The following FOXO3 variants were observed in gnomAD, a reference collection of about 807,000 sequenced individuals.
The protein encoded by FOXO3 is forkhead box protein O3.
FOXO3 carries 4 observed loss-of-function variants against 41.9 expected under a neutral mutation model. The ratio of observed to expected loss-of-function variants is 0.10; its 90% CI spans 0.05 to 0.22. The LOEUF (loss-of-function observed/expected upper bound fraction) is 0.22. FOXO3 is among the 10% of genes least tolerant of loss of function. FOXO3 has a pLI of 1.00. For missense variants in FOXO3, 534 were observed against 906.8 expected, an observed-to-expected ratio of 0.59 and a Z score of 5.28; for synonymous variants, 318 against 389.3, an observed-to-expected ratio of 0.82 and a Z score of 2.16.
chr6:108,601,286 C>G (rs1164145965), intron 1 of FOXO3, among the ~76,000 whole-genome samples: 1 of 151,546 alleles, frequency 6.6e-6, no homozygotes, highest in East Asian at 1.9e-4. Flanking sequence ...TGTCCTAGTG[C>G]TTTTTAAAAC....
At chr6:108,573,762 G>A (rs1421771802) in intron 1 of FOXO3, among the ~76,000 whole-genome samples, 1 of 152,082 alleles carries the variant, frequency 6.6e-6, no homozygotes, top group Non-Finnish European at 1.5e-5. Context: ...CCGGGAGGTG[G>A]AGGTTGCAGT....
At chr6:108,583,840 A>G (rs1347302763) in intron 1 of FOXO3, among the ~76,000 whole-genome samples, 1 of 152,218 alleles carries the variant, frequency 6.6e-6, no homozygotes, top group African/African-American at 2.4e-5. Context: ...TGGTGAAGCA[A>G]TCTGTGTGTG....
chr6:108,679,163 G>A (rs973606886), intron 2 of FOXO3, among the ~76,000 whole-genome samples: 9 of 152,074 alleles, frequency 5.9e-5, no homozygotes, highest in African/African-American at 1.9e-4. Context: ...GAGCCACTGC[G>A]CCCGGCCCAT....
intron 1 of FOXO3, among the ~76,000 whole-genome samples, chr6:108,581,505 A>G (rs2128360215): frequency 6.6e-6 from 1 of 152,296 alleles, no homozygotes; most frequent in East Asian, 1.9e-4. Flanking sequence ...AAGCAATATC[A>G]TTAATGAGCC....
Position 108,669,663 on chromosome 6 carries a change from G to A in FOXO3, c.*34+4774G>A, listed in dbSNP as rs115145527. ...GGATCTTTTTAGTGTCGATGAGCGC[G>A]AGAGAAAATTGATATGGCCATAAAA... On this transcript the variant is annotated intron_variant, in intron 2 of 2. Coordinates refer to ENST00000406360, the MANE Select transcript of FOXO3 (RefSeq NM_001455.4). 7.7e-3 allele frequency among the ~76,000 whole-genome samples: 1,176 copies of A among 152,278 alleles called. 19 individuals carry two copies. Among genetic ancestry groups the A allele is most frequent in the African/African-American group, 0.027 (1,121 of 41,558 alleles).
chr6:108,624,175 G>T (rs901262398), intron 1 of FOXO3, among the ~76,000 whole-genome samples: 1 of 152,106 alleles, frequency 6.6e-6, no homozygotes, highest in Non-Finnish European at 1.5e-5. Flanking sequence ...GTACACCCAG[G>T]TCACATTGTA....
intron 1 of FOXO3, among the ~76,000 whole-genome samples, chr6:108,599,223 T>G (rs1776977280): frequency 6.6e-6 from 1 of 152,184 alleles, no homozygotes; most frequent in Admixed American, 6.5e-5. Context: ...AAACATAACC[T>G]TTTTATTGGG....
Position 108,663,387 on chromosome 6 carries a change from T to C in FOXO3, c.622-68T>C, listed in dbSNP as rs1264019785. On this transcript the variant is annotated intron_variant, in intron 1 of 2. Transcript: ENST00000406360. ...AAAATGAATGAGGAGTCTGATTTACTATATCATCTGGGTGCTCGGTTTTGG... is the reference window on the plus strand; with the variant it reads ...AAAATGAATGAGGAGTCTGATTTACCATATCATCTGGGTGCTCGGTTTTGG... 15 of 1,518,938 alleles carry C rather than the reference T, an allele frequency of 9.9e-6. No homozygotes were observed. The Admixed American group carries it at 3.2e-4, about 32-fold the overall frequency. 94.1% of individuals were successfully genotyped at this position (1,518,938 alleles called of 1,614,324 possible). A position where few individuals can be genotyped will look rare whatever the true frequency, so the allele number is the denominator to read the frequency against.
upstream of FOXO3, chr6:108,560,871 A>G: frequency 1.2e-6 from 1 of 849,282 alleles, no homozygotes; most frequent in Non-Finnish European, 1.6e-6. Context: ...GCCCCGCGCG[A>G]GGCCGTCGAT....
intron 1 of FOXO3, among the ~76,000 whole-genome samples, chr6:108,657,548 T>C (rs1778722885): frequency 1.3e-5 from 2 of 152,158 alleles, no homozygotes; most frequent in South Asian, 4.1e-4. Context: ...TAGCAAAATG[T>C]GTATTTAGAT....
intron 1 of FOXO3, among the ~76,000 whole-genome samples, chr6:108,567,093 A>G (rs532121200): frequency 5.3e-5 from 8 of 152,172 alleles, no homozygotes; most frequent in Admixed American, 1.3e-4. Flanking sequence ...AAGCTATAGC[A>G]TATCTGTGCT....
At chr6:108,641,496 G>A (rs960032225) in intron 1 of FOXO3, among the ~76,000 whole-genome samples, 3 of 152,092 alleles carry the variant, frequency 2.0e-5, no homozygotes, top group Non-Finnish European at 4.4e-5. Context: ...TCTTACCATT[G>A]TAAAGCTCTG....
intron 1 of FOXO3, among the ~76,000 whole-genome samples, chr6:108,579,496 A>G (rs1484596973): frequency 6.6e-6 from 1 of 152,228 alleles, no homozygotes; most frequent in Non-Finnish European, 1.5e-5. Context: ...GAACTCCAGG[A>G]GAGTACCAGG....
chr6:108,590,947 G>A (rs1776717210), intron 1 of FOXO3, among the ~76,000 whole-genome samples: 1 of 152,194 alleles, frequency 6.6e-6, no homozygotes, highest in South Asian at 2.1e-4. Flanking sequence ...CTGAGGCCCA[G>A]CACTTGGTGG....
At chr6:108,648,750 T>A (rs1360601403) in intron 1 of FOXO3, among the ~76,000 whole-genome samples, 4 of 151,920 alleles carry the variant, frequency 2.6e-5, no homozygotes, top group African/African-American at 9.7e-5. Context: ...ATCCCAGCAC[T>A]TTGGAAGGCT....
chr6:108,675,050 G>C (rs951479882), intron 2 of FOXO3, among the ~76,000 whole-genome samples: 5 of 152,052 alleles, frequency 3.3e-5, no homozygotes, highest in Admixed American at 3.3e-4. Flanking sequence ...CTGGATATGT[G>C]AAAAATATTG....
At position 108,561,455 on chromosome 6, in the gene FOXO3, G is replaced by C. The variant is rs1421594740; in HGVS notation, c.247G>C (p.Gly83Arg). 5 of 1,534,758 alleles carry C rather than the reference G, an allele frequency of 3.3e-6. No individual in the cohort carries two copies. The change falls in exon 1 of 3, where the codon GGC becomes CGC. Residue 83 changes from glycine (G) to arginine (R), a missense_variant. Around this residue, in one of 8 missense-constraint regions of FOXO3, gnomAD observed 139 missense variants for 163.7 expected, o/e 0.85. Transcript: ENST00000406360. Reference sequence around the variant, plus strand: ...CTCGGCCATGGCGATCGGCGGCGGCGGCGGGAGCGGCACGCTGGGCTCCGG... The same window carrying C: ...CTCGGCCATGGCGATCGGCGGCGGCCGCGGGAGCGGCACGCTGGGCTCCGG... ...AGSAMAIGGG[G>R]GSGTLGSGLL...
chr6:108,635,060 A>T (rs1027083397), intron 1 of FOXO3, among the ~76,000 whole-genome samples: 2 of 151,922 alleles, frequency 1.3e-5, no homozygotes, highest in African/African-American at 4.8e-5. Flanking sequence ...GCACTTTGGG[A>T]GGCTGAGGCA....
intron 1 of FOXO3, among the ~76,000 whole-genome samples, chr6:108,577,793 A>G (rs1776302785): frequency 1.3e-5 from 2 of 152,232 alleles, no homozygotes; most frequent in African/African-American, 2.4e-5. Flanking sequence ...CCACATGACA[A>G]GGAGTGCTGT....
Sources: allele counts gnomAD v4.1 joint callset (sites outside exome capture counted in the v4.1 genomes callset), GRCh38; gene constraint gnomAD v4.1.1; regional missense constraint gnomAD v4.1.1; transcripts MANE v1.5; gene names NCBI Gene and HGNC (gene_info 2026-07-23, HGNC 2026-07-21).